The following ECPAS variants were observed in gnomAD, a reference collection of about 807,000 sequenced individuals.
The protein encoded by ECPAS is Ecm29 proteasome adaptor and scaffold.
In ECPAS, 70 loss-of-function variants were observed where a neutral mutation model predicts 255.1. That is an observed-to-expected ratio of 0.27 (90% CI 0.23 to 0.33). ECPAS has a LOEUF of 0.33. Ranked by LOEUF, ECPAS falls within the 10% of genes least tolerant of loss-of-function variation. The pLI, the probability that ECPAS is intolerant of heterozygous loss-of-function variation, is 1.00. For missense variants in ECPAS, 1,817 were observed against 2,206.4 expected (o/e 0.82, Z 3.54); for synonymous variants, 784 against 775.0 (o/e 1.01, Z -0.19).
chr9:111,414,708 A>T lies in ECPAS; in HGVS notation c.1765-57T>A, dbSNP rs1474121281. 6 of 1,438,960 alleles carry T rather than the reference A, an allele frequency of 4.2e-6. No individual in the cohort carries two copies. In the Admixed American group the frequency reaches 1.1e-4, roughly 26 times the overall value. The allele number at this position is 1,438,960 out of a possible 1,614,324, so 89.1% of individuals were successfully genotyped here. A position where few individuals can be genotyped will look rare whatever the true frequency, so the allele number is the denominator to read the frequency against. On this transcript the variant is annotated intron_variant, in intron 18 of 49. Transcript: ENST00000684092. ...AGCTTCTCGAAAAGTCAGTGTGGGA[A>T]GGTACTCTTCAAAGTAACAATTTCT... is the stretch of plus-strand genomic sequence containing the variant.
At chr9:111,425,265 T>C (rs935489395) in intron 12 of ECPAS, among the ~76,000 whole-genome samples, 153 bp downstream of exon 12, 2 of 152,034 alleles carry the variant, frequency 1.3e-5, no homozygotes. Context: ...AAAAGGGCAG[T>C]AATTTCTGAA....
In ECPAS at chr9:111,425,466, A is replaced by C. The variant is rs1238043074; in HGVS notation, c.1167T>G (p.Gly389=). The C allele has an allele frequency of 6.2e-7, 1 of 1,601,434 alleles. No homozygotes were observed. The highest frequency in any genetic ancestry group is 1.7e-5 in the Admixed American group (1 of 57,996). The part of the protein sequence containing the change: ...TCPEIKIKPL[G]PMLLNGLTKL... ...TGGTGAGGCCATTCAAAAGCATTGGACCTAATGGCTTAATCTTGATTTCTG... is the reference window on the plus strand; with the variant it reads ...TGGTGAGGCCATTCAAAAGCATTGGCCCTAATGGCTTAATCTTGATTTCTG... Residue 389 remains glycine, a synonymous_variant, in exon 12 of 50, where the codon GGT becomes GGG. Transcript: ENST00000684092.
intron 6 of ECPAS, among the ~76,000 whole-genome samples, chr9:111,437,764 TC>T (rs1278598188): frequency 5.9e-5 from 9 of 152,322 alleles, no homozygotes; most frequent in Middle Eastern, 6.8e-3. Flanking sequence ...TAATTTATCA[TC>T]CCTATTTCAT....
intron 18 of ECPAS, 53 bp from the exon 19 acceptor site, chr9:111,414,704 G>C: frequency 6.9e-7 from 1 of 1,454,232 alleles, no homozygotes; most frequent in South Asian, 1.2e-5. Flanking sequence ...AAGTCAGTGT[G>C]GGAAGGTACT....
At chr9:111,379,538 T>C (rs901816773) in intron 35 of ECPAS, among the ~76,000 whole-genome samples, 1 of 152,216 alleles carries the variant, frequency 6.6e-6, no homozygotes, top group Non-Finnish European at 1.5e-5. Context: ...GCTGTCGTAA[T>C]TTCTTAAAAT....
intron 2 of ECPAS, among the ~76,000 whole-genome samples, chr9:111,468,705 T>TGTGTGTGTGTGTGTGTGTGTGTGTGTGTG (rs1554803199): frequency 1.3e-5 from 2 of 151,974 alleles, no homozygotes; most frequent in South Asian, 2.1e-4. Context: ...TGTGTGTGTG[T>TGTGTGTGTGTGTGTGTGTGTGTGTGTGTG]TTCACGTCCA....
At chr9:111,483,220 C>A (rs1262313177) in intron 1 of ECPAS, among the ~76,000 whole-genome samples, 1 of 152,044 alleles carries the variant, frequency 6.6e-6, no homozygotes, top group Non-Finnish European at 1.5e-5. Context: ...GGGGGCTGGG[C>A]TCCCCCGACC....
intron 13 of ECPAS, 121 bp downstream of exon 13, chr9:111,423,078 G>A: frequency 1.4e-6 from 1 of 700,002 alleles, no homozygotes; most frequent in East Asian, 2.7e-5. Context: ...AACAACCTAT[G>A]ACCATTAAAT....
intron 38 of ECPAS, among the ~76,000 whole-genome samples, 195 bp from the exon 39 acceptor site, chr9:111,374,233 T>C (rs964277425): frequency 6.6e-6 from 1 of 152,098 alleles, no homozygotes; most frequent in African/African-American, 2.4e-5. Context: ...AAGAGAAAGA[T>C]GGGTGATCTC....
chr9:111,397,875 G>A (rs73656244), intron 24 of ECPAS, among the ~76,000 whole-genome samples: 8,480 of 152,230 alleles, frequency 0.056, 571 homozygotes, highest in African/African-American at 0.15. Context: ...TTCACTGTAA[G>A]TTTGAAAGCA....
rs751650601 is a variant in ECPAS, at chr9:111,430,500, A to T, written c.930+47T>A. The T allele has an allele frequency of 5.0e-6, 6 of 1,199,856 alleles. 1 individual carries two copies. The South Asian group carries it at 7.8e-5, about 16-fold the overall frequency. 74.3% of individuals were successfully genotyped at this position (1,199,856 alleles called of 1,614,324 possible). ...ATGTATAAATACGCAGTTCATGTCA[A>T]CAAACTACTTTTTACGCTGATGTGA... On this transcript the variant is annotated intron_variant, in intron 9 of 49. Coordinates refer to ENST00000684092, the MANE Select transcript of ECPAS (RefSeq NM_001364929.1).
chr9:111,459,161 G>A (rs940378766), intron 2 of ECPAS, among the ~76,000 whole-genome samples: 1 of 152,000 alleles, frequency 6.6e-6, no homozygotes, highest in Non-Finnish European at 1.5e-5. Flanking sequence ...TATAAATATT[G>A]TATATAATTA....
intron 36 of ECPAS, among the ~76,000 whole-genome samples, chr9:111,377,599 G>A (rs991328828): frequency 8.5e-5 from 13 of 152,128 alleles, no homozygotes; most frequent in African/African-American, 2.7e-4. Context: ...ATATAGACAC[G>A]ATATACTGTT....
At chr9:111,483,076 C>A (rs1018431114) in intron 1 of ECPAS, among the ~76,000 whole-genome samples, 4 of 152,214 alleles carry the variant, frequency 2.6e-5, no homozygotes, top group Non-Finnish European at 5.9e-5. Context: ...CCTTCTCCCC[C>A]TTCCCGAAAG....
intron 25 of ECPAS, among the ~76,000 whole-genome samples, chr9:111,395,191 T>C (rs890779050): frequency 2.6e-5 from 4 of 152,192 alleles, no homozygotes; most frequent in Non-Finnish European, 2.9e-5. Context: ...ACCACAACTC[T>C]AGCTGCCAGC....
chr9:111,370,915 G>T, intron 43 of ECPAS, 150 bp from the exon 44 acceptor site: 1 of 712,914 alleles, frequency 1.4e-6, no homozygotes, highest in Admixed American at 2.5e-5. Context: ...ATAATTTTAA[G>T]CACATCCACC....
At chr9:111,412,430 C>T (rs1015141105) in intron 20 of ECPAS, among the ~76,000 whole-genome samples, 1 of 152,166 alleles carries the variant, frequency 6.6e-6, no homozygotes, top group Non-Finnish European at 1.5e-5. Flanking sequence ...GCTTTATGGG[C>T]CATTTGGTCT....
intron 36 of ECPAS, among the ~76,000 whole-genome samples, chr9:111,377,664 T>C (rs1454992489): frequency 6.6e-6 from 1 of 152,196 alleles, no homozygotes; most frequent in Admixed American, 6.5e-5. Context: ...ATTTTTAAAT[T>C]AGTATGTTTG....
At chr9:111,407,429 A>AAAAAAAAAAAAAAAAAG (rs1274675823) in intron 24 of ECPAS, among the ~76,000 whole-genome samples, 1 of 127,736 alleles carries the variant, frequency 7.8e-6, no homozygotes, top group Non-Finnish European at 1.9e-5. Flanking sequence ...AAAAAAAAAA[A>AAAAAAAAAAAAAAAAAG]AAAAAAAAAC....
Sources: gnomAD v4.1 joint callset for allele counts (sites outside exome capture counted in the v4.1 genomes callset) on GRCh38, gnomAD v4.1.1 for gene constraint, MANE v1.5 for transcripts, NCBI Gene and HGNC (gene_info 2026-07-23, HGNC 2026-07-21) for gene names.